TNIK: variants seen among roughly 807,000 people sequenced by gnomAD.
TNIK encodes TRAF2 and NCK-interacting protein kinase.
Under a neutral mutation model 191.3 loss-of-function variants are expected in TNIK, and 49 were observed. The observed-to-expected ratio is 0.26, with a 90% CI of 0.20 to 0.32. The LOEUF (loss-of-function observed/expected upper bound fraction) is 0.32. TNIK is among the 10% of genes least tolerant of loss of function. The pLI, the probability that TNIK is intolerant of heterozygous loss-of-function variation, is 1.00. For missense variants in TNIK, 1,155 were observed against 1,702.3 expected, an observed-to-expected ratio of 0.68 and a Z score of 5.66; for synonymous variants, 594 against 600.9, an observed-to-expected ratio of 0.99 and a Z score of 0.17.
chr3:171,275,239 T>C (rs1446820455), intron 2 of TNIK, among the ~76,000 whole-genome samples: 1 of 152,114 alleles, frequency 6.6e-6, no homozygotes, highest in Non-Finnish European at 1.5e-5. Context: ...AAAGCCCACA[T>C]AGAGAGTCAC....
intron 2 of TNIK, among the ~76,000 whole-genome samples, chr3:171,343,688 C>T (rs961322564): frequency 2.6e-5 from 4 of 152,174 alleles, no homozygotes; most frequent in South Asian, 2.1e-4. Flanking sequence ...ATTTATACCA[C>T]ATCTCATATT....
chr3:171,141,159 G>A (rs1219471383), intron 12 of TNIK, among the ~76,000 whole-genome samples: 3 of 152,100 alleles, frequency 2.0e-5, no homozygotes, highest in African/African-American at 2.4e-5. Flanking sequence ...GTCAATCATC[G>A]TCATCACCTC....
At chr3:171,137,529 T>G (rs576592646) in intron 15 of TNIK, among the ~76,000 whole-genome samples, 83 of 152,232 alleles carry the variant, frequency 5.5e-4, no homozygotes, top group Non-Finnish European at 9.1e-4. Flanking sequence ...TTGCTTTACC[T>G]GTCTGGCTAT....
At chr3:171,243,529 GGGTTGAACCTGTT>G (rs1745231481) in intron 2 of TNIK, among the ~76,000 whole-genome samples, 1 of 151,958 alleles carries the variant, frequency 6.6e-6, no homozygotes, top group East Asian at 1.9e-4. Flanking sequence ...GCATCTTCTG[GGGTTGAACCTGTT>G]GGTAGCCCTG....
intron 1 of TNIK, among the ~76,000 whole-genome samples, chr3:171,412,736 C>A (rs1722566378): frequency 6.6e-6 from 1 of 152,238 alleles, no homozygotes; most frequent in Non-Finnish European, 1.5e-5. Flanking sequence ...AATTACTGTG[C>A]TAGATATGTG....
intron 3 of TNIK, among the ~76,000 whole-genome samples, chr3:171,221,848 TTAAC>T (rs753860445): frequency 9.7e-4 from 147 of 152,216 alleles, no homozygotes; most frequent in African/African-American, 2.9e-3. Flanking sequence ...ATATCAGCAA[TTAAC>T]TAACACAAAT....
chr3:171,280,341 G>A (rs985708736), intron 2 of TNIK, among the ~76,000 whole-genome samples: 1 of 152,170 alleles, frequency 6.6e-6, no homozygotes, highest in African/African-American at 2.4e-5. Context: ...AGAGGCAACA[G>A]AATACCCTGT....
At chr3:171,083,365 A>G (rs995808534) in intron 26 of TNIK, among the ~76,000 whole-genome samples, 2 of 152,066 alleles carry the variant, frequency 1.3e-5, no homozygotes, top group African/African-American at 2.4e-5. Context: ...TAGGCTTCAC[A>G]CTCTTCCCCG....
At chr3:171,211,082 T>G (rs1347292685) in intron 4 of TNIK, 34 bp downstream of exon 4, 1 of 1,599,774 alleles carries the variant, frequency 6.3e-7, no homozygotes, top group Non-Finnish European at 8.5e-7. Flanking sequence ...TTGTTTTTTA[T>G]GTAAATAAAG....
chr3:171,223,948 C>T (rs1257820077), intron 3 of TNIK, among the ~76,000 whole-genome samples: 1 of 152,084 alleles, frequency 6.6e-6, no homozygotes, highest in Non-Finnish European at 1.5e-5. Context: ...TTTGAGAAAT[C>T]AACTCTCTCC....
At chr3:171,213,349 T>C (rs61792431) in intron 3 of TNIK, among the ~76,000 whole-genome samples, 6,595 of 152,222 alleles carry the variant, frequency 0.043, 162 homozygotes, top group South Asian at 0.072. Flanking sequence ...CATCGACAGC[T>C]GCTTCCATTA....
At chr3:171,145,871 T>C (rs965236311) in intron 12 of TNIK, among the ~76,000 whole-genome samples, 12 of 151,746 alleles carry the variant, frequency 7.9e-5, no homozygotes, top group Non-Finnish European at 5.9e-5. Flanking sequence ...CTAGCTCTCA[T>C]AGAAGTGACT....
At chr3:171,227,693 G>C (rs963540920) in intron 3 of TNIK, among the ~76,000 whole-genome samples, 5 of 152,080 alleles carry the variant, frequency 3.3e-5, no homozygotes, top group African/African-American at 1.2e-4. Context: ...AAAGATATTA[G>C]ATATTTAGGG....
In TNIK at chr3:171,213,481, C is replaced by A. The variant is rs576571566; in HGVS notation, c.181-2240G>T. ...GCTTCTACAAGTATTTACCGCTTGCCTCCTGGATTCTTAGCAGGATAGTGG... is the reference window on the plus strand; with the variant it reads ...GCTTCTACAAGTATTTACCGCTTGCATCCTGGATTCTTAGCAGGATAGTGG... On this transcript the variant is annotated intron_variant, in intron 3 of 32. Coordinates refer to ENST00000436636, the MANE Select transcript of TNIK (RefSeq NM_015028.4). 1.1e-3 allele frequency among the ~76,000 whole-genome samples: 167 copies of A among 152,030 alleles called. 2 individuals carry two copies. The highest frequency in any genetic ancestry group is 1.9e-3 in the Non-Finnish European group (132 of 68,020).
intron 18 of TNIK, among the ~76,000 whole-genome samples, chr3:171,112,858 T>C (rs1726057485): frequency 6.6e-6 from 1 of 152,210 alleles, no homozygotes; most frequent in Non-Finnish European, 1.5e-5. Flanking sequence ...ATTAAGGTGC[T>C]TCCAATACAT....
intron 15 of TNIK, 44 bp from the exon 16 acceptor site, chr3:171,128,922 A>G: frequency 6.7e-7 from 1 of 1,483,770 alleles, no homozygotes; most frequent in Non-Finnish European, 8.9e-7. Flanking sequence ...GCCTCAATGT[A>G]TAGAAGTAGA....
At chr3:171,445,345 G>A (rs182176941) in intron 1 of TNIK, among the ~76,000 whole-genome samples, 20 of 151,912 alleles carry the variant, frequency 1.3e-4, no homozygotes, top group Admixed American at 6.6e-4. Flanking sequence ...CCTGAGAACC[G>A]GAGGTCGAAG....
At chr3:171,365,161 C>CTTTTTTTTTTTTTTTTTTTTTTTTTTTTT (rs60887361) in intron 2 of TNIK, among the ~76,000 whole-genome samples, 1 of 31,934 alleles carries the variant, frequency 3.1e-5, no homozygotes, top group Admixed American at 5.9e-4. Flanking sequence ...GGACTACATT[C>CTTTTTTTTTTTTTTTTTTTTTTTTTTTTT]TTTTTTTTTT....
At chr3:171,457,026 A>G (rs1728868266) in intron 1 of TNIK, among the ~76,000 whole-genome samples, 1 of 152,192 alleles carries the variant, frequency 6.6e-6, no homozygotes, top group Admixed American at 6.5e-5. Flanking sequence ...TGAGTGTTCT[A>G]CAATTCTCTT....
Sources: gnomAD v4.1 joint callset for allele counts (sites outside exome capture counted in the v4.1 genomes callset) on GRCh38, gnomAD v4.1.1 for gene constraint, MANE v1.5 for transcripts, NCBI Gene and HGNC (gene_info 2026-07-23, HGNC 2026-07-21) for gene names.